The following CEP131 variants were observed in gnomAD, a reference collection of about 807,000 sequenced individuals.
CEP131 encodes centrosomal protein of 131 kDa.
In CEP131, 99 loss-of-function variants were observed where a neutral mutation model predicts 136.8. The observed-to-expected ratio is 0.72, with a 90% CI of 0.62 to 0.86. The LOEUF (loss-of-function observed/expected upper bound fraction) is 0.86, where lower values mean the gene tolerates loss of function less well. Ranked by LOEUF, CEP131 falls within the 40% of genes least tolerant of loss-of-function variation. The pLI is 0.00. For missense variants in CEP131, 1,459 were observed against 1,463.0 expected, an observed-to-expected ratio of 1.00 and a Z score of 0.04; for synonymous variants, 646 against 612.7, an observed-to-expected ratio of 1.05 and a Z score of -0.80.
At chr17:81,191,368 C>T (rs749202339) in intron 21 of CEP131, 33 bp from the exon 22 acceptor site, 42 of 1,611,206 alleles carry the variant, frequency 2.6e-5, no homozygotes, top group Non-Finnish European at 3.1e-5. Flanking sequence ...GGGGTTGCCA[C>T]CCGGAGCCGG....
chr17:81,197,503 G>A, intron 13 of CEP131: 1 of 755,096 alleles, frequency 1.3e-6, no homozygotes, highest in South Asian at 1.9e-5. Flanking sequence ...CCTCCACCCT[G>A]AGAGACCCGT....
In CEP131 at chr17:81,220,090, G is replaced by T; in HGVS notation, c.-17-17C>A. 1 of 1,484,928 alleles carries T rather than the reference G, an allele frequency of 6.7e-7. No homozygotes were observed. The highest frequency in any genetic ancestry group is 1.3e-5 in the South Asian group (1 of 75,980). 92.0% of individuals were successfully genotyped at this position (1,484,928 alleles called of 1,614,324 possible). ...AGGCAGGTCCTGAGCGGGGAAGCAA[G>T]AGCTGCAATGAGATGCCGTGGGGGA... is the stretch of plus-strand genomic sequence containing the variant. On this transcript the variant is annotated splice_polypyrimidine_tract_variant and intron_variant, in intron 1 of 25. Transcript: ENST00000450824.
Position 81,198,977 on chromosome 17 carries a change from C to G in CEP131, c.1193-6G>C, listed in dbSNP as rs1374725696. 1.3e-6 allele frequency: 2 copies of G among 1,540,286 alleles called. No individual in the cohort carries two copies. Among genetic ancestry groups the G allele is most frequent in the East Asian group, 2.4e-5 (1 of 41,998 alleles). ...TGCAGCAGGGAGGCCACCACCTGCA[C>G]AGCAGAACACAGCACCATTCCACAG... On this transcript the variant is annotated splice_polypyrimidine_tract_variant and splice_region_variant and intron_variant, in intron 10 of 25. Transcript: ENST00000450824.
At chr17:81,221,262 G>A (rs1221540812) in intron 1 of CEP131, among the ~76,000 whole-genome samples, 3 of 151,926 alleles carry the variant, frequency 2.0e-5, no homozygotes, top group Non-Finnish European at 4.4e-5. Flanking sequence ...GGGTTCTGAC[G>A]ATCGATCGAG....
At chr17:81,190,613 C>G (rs1166578331) in intron 24 of CEP131, 26 bp downstream of exon 24, 1 of 1,544,474 alleles carries the variant, frequency 6.5e-7, no homozygotes, top group East Asian at 2.3e-5. Context: ...GCCTCCGTCT[C>G]CAGCCCTGCA....
chr17:81,196,029 G>C (rs993933025), intron 15 of CEP131, 78 bp from the exon 16 acceptor site: 1 of 1,234,514 alleles, frequency 8.1e-7, no homozygotes, highest in African/African-American at 1.5e-5. Flanking sequence ...GACCCTCCCA[G>C]CCTCCGAGGG....
intron 2 of CEP131, among the ~76,000 whole-genome samples, chr17:81,212,860 T>C (rs1016856413): frequency 3.3e-5 from 5 of 152,174 alleles, no homozygotes; most frequent in African/African-American, 9.7e-5. Flanking sequence ...CTATAGACAG[T>C]GTGTATATTA....
At chr17:81,202,213 C>A (rs201367106) in intron 7 of CEP131, 27 bp downstream of exon 7, 3 of 1,542,822 alleles carry the variant, frequency 1.9e-6, no homozygotes, top group East Asian at 2.4e-5. Context: ...GGCTCAGGCC[C>A]CCCCCCACCG....
At chr17:81,197,186 C>G in intron 13 of CEP131, 131 bp from the exon 14 acceptor site, 1 of 1,356,604 alleles carries the variant, frequency 7.4e-7, no homozygotes, top group South Asian at 1.5e-5. Flanking sequence ...CGTGGGAAGC[C>G]GGAGGGCAGG....
In CEP131 at chr17:81,203,275, G is replaced by T. The variant is rs1201953100; in HGVS notation, c.629+219C>A. ...GAAGAGGGCGGCGGACGTGGATGGG[G>T]AGCCCGGTTCACAGCTGCTCCACGC... On this transcript the variant is annotated intron_variant, in intron 6 of 25. Coordinates refer to ENST00000450824, the MANE Select transcript of CEP131 (RefSeq NM_014984.4). The surrounding 1 kb of genome is among the most constrained non-coding windows in gnomAD (Gnocchi z 4.6). 6.6e-6 allele frequency among the ~76,000 whole-genome samples: 1 copy of T among 152,220 alleles called. No homozygotes were observed. Among genetic ancestry groups the T allele is most frequent in the Non-Finnish European group, 1.5e-5 (1 of 68,034 alleles).
At position 81,202,274 on chromosome 17, in the gene CEP131, T is replaced by C. The variant is rs1292363585; in HGVS notation, c.754A>G (p.Arg252Gly). The part of the protein sequence containing the change: ...NNTGGSTGLP[R>G]RKEVTEEEAE... Reference sequence around the variant, plus strand: ...TCCTCCTCCGTCACCTCCTTCCGCCTGGGCAAGCCCGTGCTGCCCCCAGTA... The same window carrying C: ...TCCTCCTCCGTCACCTCCTTCCGCCCGGGCAAGCCCGTGCTGCCCCCAGTA... The change falls in exon 7 of 26, where the codon AGG (arginine) becomes GGG (glycine). Residue 252 changes from arginine to glycine, a missense_variant. Transcript: ENST00000450824. The C allele has an allele frequency of 6.8e-7, 1 of 1,465,238 alleles. No homozygotes were observed. The highest frequency in any genetic ancestry group is 9.2e-7 in the Non-Finnish European group (1 of 1,086,946). The allele number at this position is 1,465,238 out of a possible 1,614,324, so 90.8% of individuals were successfully genotyped here.
At position 81,203,957 on chromosome 17, in the gene CEP131, T is replaced by G. The variant is rs963097955; in HGVS notation, c.516-350A>C. ...GCGAAGCCCCATCCCACACGACGGATGGAAGCCACATTCTCTGCCTCTGCC... is the reference window on the plus strand; with the variant it reads ...GCGAAGCCCCATCCCACACGACGGAGGGAAGCCACATTCTCTGCCTCTGCC... On this transcript the variant is annotated intron_variant, in intron 5 of 25. Coordinates refer to ENST00000450824, the MANE Select transcript of CEP131 (RefSeq NM_014984.4). The surrounding 1 kb of genome is among the most constrained non-coding windows in gnomAD (Gnocchi z 4.6). The G allele has an allele frequency of 4.3e-6, 1 of 234,638 alleles. No individual in the cohort carries two copies. Among genetic ancestry groups the G allele is most frequent in the African/African-American group, 2.3e-5 (1 of 44,140 alleles). 14.5% of individuals were successfully genotyped at this position (234,638 alleles called of 1,614,324 possible).
chr17:81,206,919 C>A, intron 4 of CEP131, 48 bp from the exon 5 acceptor site: 1 of 1,583,274 alleles, frequency 6.3e-7, no homozygotes, highest in Non-Finnish European at 8.6e-7. Flanking sequence ...ACCCAGACAC[C>A]CCATCCCTTC....
At chr17:81,192,240 C>A in intron 21 of CEP131, 78 bp downstream of exon 21, 1 of 1,416,974 alleles carries the variant, frequency 7.1e-7, no homozygotes, top group Non-Finnish European at 9.6e-7. Flanking sequence ...GCAGCAAAAC[C>A]CACCTGGGGC....
chr17:81,192,436 G>A, intron 20 of CEP131, 40 bp downstream of exon 20: 1 of 1,611,642 alleles, frequency 6.2e-7, no homozygotes, highest in Non-Finnish European at 8.5e-7. Flanking sequence ...ACCCCGTGCA[G>A]CCCCCTGGCC....
chr17:81,194,047 GCTCCGCCTCGTGCAGGCTCTTGAGC>G lies in CEP131; in HGVS notation c.2175_2199del (p.Arg725SerfsTer86). On this transcript the variant is annotated frameshift_variant, in exon 18 of 26. Coordinates refer to ENST00000450824, the MANE Select transcript of CEP131 (RefSeq NM_014984.4). LOFTEE classifies it high-confidence loss of function. ...GAGGCCCGCTCATCCGACTGCAGCA[GCTCCGCCTCGTGCAGGCTCTTGAGC>G]CTCCGCACTTCCTGCTTGTGCCTTG... 6.3e-7 allele frequency: 1 copy of G among 1,584,000 alleles called. No homozygotes were observed. The highest frequency in any genetic ancestry group is 8.6e-7 in the Non-Finnish European group (1 of 1,165,528).
At position 81,219,533 on chromosome 17, in the gene CEP131, G is replaced by C. The variant is rs1458374931; in HGVS notation, c.177+347C>G. Among the ~76,000 whole-genome samples the C allele has an allele frequency of 6.6e-6, 1 of 151,930 alleles. No individual in the cohort carries two copies. The highest frequency in any genetic ancestry group is 1.5e-5 in the Non-Finnish European group (1 of 67,962). ...GGCTGGTCTTGAACTGCTGACCTCA[G>C]ATGACCCGCCTGCCTCGGCCTCCCA... is the stretch of plus-strand genomic sequence containing the variant. On this transcript the variant is annotated intron_variant, in intron 2 of 25. Coordinates refer to ENST00000450824, the MANE Select transcript of CEP131 (RefSeq NM_014984.4). The surrounding 1 kb of genome is among the most constrained non-coding windows in gnomAD (Gnocchi z 4.0).
At position 81,192,734 on chromosome 17, in the gene CEP131, A is replaced by T; in HGVS notation, c.2429+2T>A. On this transcript the variant is annotated splice_donor_variant, in intron 19 of 25. Transcript: ENST00000450824. LOFTEE classifies it high-confidence loss of function. Reference sequence around the variant, plus strand: ...AGAGGGCGTGGTGCCCCCGGGCGGCACCTGGCTGCCTGCTGGCCCAGCCGC... The same window carrying T: ...AGAGGGCGTGGTGCCCCCGGGCGGCTCCTGGCTGCCTGCTGGCCCAGCCGC... 1 of 1,568,200 alleles carries T rather than the reference A, an allele frequency of 6.4e-7. No individual in the cohort carries two copies. The highest frequency in any genetic ancestry group is 8.7e-7 in the Non-Finnish European group (1 of 1,154,788).
intron 3 of CEP131, 52 bp from the exon 4 acceptor site, chr17:81,207,291 C>T (rs776904821): frequency 2.2e-5 from 34 of 1,536,138 alleles, no homozygotes; most frequent in South Asian, 1.4e-4. Flanking sequence ...GCCGGGAAGC[C>T]GACGCTAGGC....
Sources: allele counts gnomAD v4.1 joint callset (sites outside exome capture counted in the v4.1 genomes callset), GRCh38; gene constraint gnomAD v4.1.1; non-coding constraint Gnocchi (gnomAD v3.1); transcripts MANE v1.5; gene names NCBI Gene and HGNC (gene_info 2026-07-23, HGNC 2026-07-21).